Variants in AOC3 observed in about 807,000 individuals in gnomAD.
The protein encoded by AOC3 is amine oxidase [copper-containing] 3.
In AOC3, 47 loss-of-function variants were observed where a neutral mutation model predicts 55.4. The ratio of observed to expected loss-of-function variants is 0.85; its 90% CI spans 0.67 to 1.08. AOC3 has a LOEUF of 1.08. Ranked by LOEUF, AOC3 falls within the 50% of genes least tolerant of loss-of-function variation. The probability of loss-of-function intolerance (pLI) is 0.00; values close to 1 mark genes in which losing one functional copy is unlikely to be tolerated. For missense variants in AOC3, 853 were observed against 993.1 expected, an observed-to-expected ratio of 0.86 and a Z score of 1.90; for synonymous variants, 386 against 410.7, an observed-to-expected ratio of 0.94 and a Z score of 0.73.
In AOC3 at chr17:42,856,829, C is replaced by T. The variant is rs1486791896; in HGVS notation, c.*279C>T. 4.0e-6 allele frequency: 2 copies of T among 497,190 alleles called. No homozygotes were observed. Among genetic ancestry groups the T allele is most frequent in the Admixed American group, 3.6e-5 (1 of 27,866 alleles). The allele number at this position is 497,190 out of a possible 1,614,324, so 30.8% of individuals were successfully genotyped here. A position where few individuals can be genotyped will look rare whatever the true frequency, so the allele number is the denominator to read the frequency against. On this transcript the variant is annotated 3_prime_UTR_variant, in exon 4 of 4. Transcript: ENST00000308423. ...CCTGGAGCCGTGGCCGAGGGCTTCC[C>T]TAGATGGTTCCCTTTGTTGCTGTCT...
At chr17:42,855,293 C>A in intron 2 of AOC3, 151 bp from the exon 3 acceptor site, 1 of 1,058,316 alleles carries the variant, frequency 9.4e-7, no homozygotes, top group Admixed American at 2.3e-5. Context: ...ACTTGACCCC[C>A]CTTAGGGTGA....
At position 42,856,512 on chromosome 17, in the gene AOC3, C is replaced by T. The variant is rs1396633686; in HGVS notation, c.2254C>T (p.Leu752Phe). The change falls in exon 4 of 4, where the codon CTC becomes TTC. Residue 752 changes from leucine to phenylalanine, a missense_variant. By Grantham distance (22) the Leu-to-Phe change is conservative (BLOSUM62 0). Transcript: ENST00000308423. Reference sequence around the variant, plus strand: ...CCAGGCTGCTGCCTGTGCCCCCGACCTCCCTGCCTTCTCCCACGGGGGCTT... The same window carrying T: ...CCAGGCTGCTGCCTGTGCCCCCGACTTCCCTGCCTTCTCCCACGGGGGCTT... ...LPQAAACAPD[L>F]PAFSHGGFSH... 6.2e-7 allele frequency: 1 copy of T among 1,608,714 alleles called. No individual in the cohort carries two copies. Among genetic ancestry groups the T allele is most frequent in the African/African-American group, 1.3e-5 (1 of 74,766 alleles).
At chr17:42,853,600 T>A (rs1656513040) in intron 1 of AOC3, among the ~76,000 whole-genome samples, 1 of 152,112 alleles carries the variant, frequency 6.6e-6, no homozygotes, top group Non-Finnish European at 1.5e-5. Flanking sequence ...AGGTGTTTTT[T>A]TTTGGTTTTG....
intron 2 of AOC3, 92 bp downstream of exon 2, chr17:42,854,825 G>T (rs1207004295): frequency 4.2e-6 from 5 of 1,179,946 alleles, no homozygotes; most frequent in Non-Finnish European, 5.5e-6. Context: ...TGAGGGGAGA[G>T]CTCTCTCAGG....
Position 42,852,388 on chromosome 17 carries a change from A to T in AOC3, c.1045A>T (p.Ile349Phe), listed in dbSNP as rs2055683722. 2 of 1,614,050 alleles carry T rather than the reference A, an allele frequency of 1.2e-6. No homozygotes were observed. The highest frequency in any genetic ancestry group is 2.2e-5 in the East Asian group (1 of 44,870). Residue 349 changes from isoleucine to phenylalanine, a missense_variant, in exon 1 of 4, where the codon ATC (isoleucine) becomes TTC (phenylalanine). Coordinates refer to ENST00000308423, the MANE Select transcript of AOC3 (RefSeq NM_003734.4). The stretch of plus-strand genomic sequence containing the variant: ...CCTCGGAGCATTCAGTGGCCCAAGG[A>T]TCTTTGACGTTCGCTTCCAAGGAGA... Reference protein sequence around the residue: ...FGLGAFSGPRIFDVRFQGERL... With the variant: ...FGLGAFSGPRFFDVRFQGERL...
chr17:42,851,412 CCTG>C lies in AOC3; in HGVS notation c.73_75del (p.Leu25del). 1 of 1,613,946 alleles carries C rather than the reference CCTG, an allele frequency of 6.2e-7. No homozygotes were observed. The highest frequency in any genetic ancestry group is 1.7e-5 in the Admixed American group (1 of 60,008). The stretch of plus-strand genomic sequence containing the variant: ...TCACCATCTTTGCCTTGGTTTGTGT[CCTG>C]CTGGTGGGCAGGGGTGGAGATGGGG... On this transcript the variant is annotated inframe_deletion, in exon 1 of 4. Coordinates refer to ENST00000308423, the MANE Select transcript of AOC3 (RefSeq NM_003734.4).
chr17:42,851,686 A>G lies in AOC3; in HGVS notation c.343A>G (p.Arg115Gly). The G allele has an allele frequency of 6.2e-7, 1 of 1,612,502 alleles. No homozygotes were observed. Among genetic ancestry groups the G allele is most frequent in the Non-Finnish European group, 8.5e-7 (1 of 1,179,808 alleles). The change falls in exon 1 of 4, where the codon AGG becomes GGG. Residue 115 changes from arginine to glycine, a missense_variant. Transcript: ENST00000308423. ...PKAAALAHLD[R>G]GSPPPAREAL... is the part of the protein sequence containing the mutation. ...GGCTGCAGCCCTGGCTCACTTGGAC[A>G]GGGGGAGCCCCCCACCTGCCCGGGA...
In AOC3 at chr17:42,857,550, G is replaced by A. The variant is rs1406651727; in HGVS notation, c.*1000G>A. ...ACAACTCCAGCCACCCAGCCAGGAG[G>A]GGCTGTCCAATCACATTCAGGCATG... On this transcript the variant is annotated 3_prime_UTR_variant, in exon 4 of 4. Coordinates refer to ENST00000308423, the MANE Select transcript of AOC3 (RefSeq NM_003734.4). 1 of 152,342 alleles carries A rather than the reference G, an allele frequency of 6.6e-6. No homozygotes were observed. The highest frequency in any genetic ancestry group is 6.5e-5 in the Admixed American group (1 of 15,272). The allele number at this position is 152,342 out of a possible 1,614,324, so 9.4% of individuals were successfully genotyped here.
intron 1 of AOC3, chr17:42,854,226 T>C: frequency 2.5e-6 from 1 of 396,436 alleles, no homozygotes; most frequent in South Asian, 1.2e-4. Context: ...GTTGAAAGAA[T>C]GAATGAGTGA....
Position 42,852,400 on chromosome 17 carries a change from C to G in AOC3, c.1057C>G (p.Arg353Gly), listed in dbSNP as rs147693206. The change falls in exon 1 of 4, where the codon CGC (arginine) becomes GGC (glycine). Residue 353 changes from arginine (R) to glycine (G), a missense_variant. Transcript: ENST00000308423. The part of the protein sequence containing the change: ...AFSGPRIFDV[R>G]FQGERLVYEI... ...CAGTGGCCCAAGGATCTTTGACGTT[C>G]GCTTCCAAGGAGAAAGACTAGTTTA... The G allele has an allele frequency of 3.3e-4, 532 of 1,614,176 alleles. 4 individuals are homozygous for G. Among genetic ancestry groups the G allele is most frequent in the Non-Finnish European group, 1.5e-4 (176 of 1,180,044 alleles).
chr17:42,855,394 G>A (rs891088642), intron 2 of AOC3, 50 bp from the exon 3 acceptor site: 4 of 1,570,190 alleles, frequency 2.5e-6, no homozygotes, highest in Non-Finnish European at 3.5e-6. Context: ...TCATAATCAG[G>A]CAGCAGGATG....
rs1369890694 is a variant in AOC3, at chr17:42,854,597, C to G, written c.1750C>G (p.Pro584Ala). 6.2e-7 allele frequency: 1 copy of G among 1,607,196 alleles called. No individual in the cohort carries two copies. Among genetic ancestry groups the G allele is most frequent in the African/African-American group, 1.3e-5 (1 of 74,690 alleles). ...CGCCTTCCTCGTGGGAAGCGCCACC[C>G]CTCGCTACCTGTACCTGGCCAGCAA... ...QAAFLVGSAT[P>A]RYLYLASNHS... The change falls in exon 2 of 4, where the codon CCT (proline) becomes GCT (alanine). Residue 584 changes from proline (P) to alanine (A), a missense_variant. Pro to Ala is a conservative substitution (Grantham distance 27). Transcript: ENST00000308423.
Position 42,851,199 on chromosome 17 carries a change from A to T in AOC3, c.-145A>T. 1 of 824,606 alleles carries T rather than the reference A, an allele frequency of 1.2e-6. No individual in the cohort carries two copies. Among genetic ancestry groups the T allele is most frequent in the South Asian group, 1.9e-5 (1 of 52,106 alleles). 51.1% of individuals were successfully genotyped at this position (824,606 alleles called of 1,614,324 possible). ...GCCTTCCTGTGTCCTTCCCACCCTT[A>T]GTCCCAGGCATCTGACTACCGGGAA... is the stretch of plus-strand genomic sequence containing the variant. On this transcript the variant is annotated 5_prime_UTR_variant, in exon 1 of 4. Transcript: ENST00000308423.
Position 42,851,691 on chromosome 17 carries a change from G to A in AOC3, c.348G>A (p.Gly116=). The A allele has an allele frequency of 1.2e-6, 2 of 1,612,532 alleles. No individual in the cohort carries two copies. Among genetic ancestry groups the A allele is most frequent in the African/African-American group, 1.3e-5 (1 of 75,044 alleles). ...KAAALAHLDR[G]SPPPAREALA... is the part of the protein sequence containing the mutation. ...CAGCCCTGGCTCACTTGGACAGGGG[G>A]AGCCCCCCACCTGCCCGGGAGGCAC... is the stretch of plus-strand genomic sequence containing the variant. The change falls in exon 1 of 4, where the codon GGG becomes GGA. Residue 116 remains glycine (G), a synonymous_variant. Coordinates refer to ENST00000308423, the MANE Select transcript of AOC3 (RefSeq NM_003734.4).
At chr17:42,855,938 C>T (rs188964748) in intron 3 of AOC3, among the ~76,000 whole-genome samples, 225 of 152,316 alleles carry the variant, frequency 1.5e-3, no homozygotes, top group Admixed American at 2.9e-3. Flanking sequence ...TTCTGCTTCC[C>T]AAGCGCTGGT....
intron 3 of AOC3, 80 bp from the exon 4 acceptor site, chr17:42,856,195 G>A: frequency 6.5e-7 from 1 of 1,538,190 alleles, no homozygotes; most frequent in Non-Finnish European, 8.9e-7. Flanking sequence ...CATGATCCTT[G>A]GGCTGGTGAG....
rs550140234 is a variant in AOC3 at position 42,855,646 on chromosome 17, A to G, written c.2016+73A>G. 558 of 1,593,918 alleles carry G rather than the reference A, an allele frequency of 3.5e-4. 2 individuals are homozygous for G. Among genetic ancestry groups the G allele is most frequent in the South Asian group, 4.6e-4 (41 of 89,740 alleles). ...GGGAGGGTCCCTGAAAACCACCTGCACTTCTCAGGGGTGGTGCTGATTCCT... is the reference window on the plus strand; with the variant it reads ...GGGAGGGTCCCTGAAAACCACCTGCGCTTCTCAGGGGTGGTGCTGATTCCT... On this transcript the variant is annotated intron_variant, in intron 3 of 3. Coordinates refer to ENST00000308423, the MANE Select transcript of AOC3 (RefSeq NM_003734.4).
Position 42,855,478 on chromosome 17 carries a change from G to GAGC in AOC3, c.1922_1924dup (p.Glu641_Pro642insGln). ...GGCTGTGACCCAGCGGAAGGAGGAG[G>GAGC]AGCCCAGTAGCAGCAGCGTTTTCAA... On this transcript the variant is annotated inframe_insertion, in exon 3 of 4. Coordinates refer to ENST00000308423, the MANE Select transcript of AOC3 (RefSeq NM_003734.4). The GAGC allele has an allele frequency of 6.2e-7, 1 of 1,611,136 alleles. No individual in the cohort carries two copies. The highest frequency in any genetic ancestry group is 8.5e-7 in the Non-Finnish European group (1 of 1,178,908).
intron 1 of AOC3, 40 bp downstream of exon 1, chr17:42,852,983 G>A (rs1435451196): frequency 6.3e-7 from 1 of 1,581,828 alleles, no homozygotes. Context: ...TGGAAGAAGG[G>A]CTGAAAAGTT....
Sources: allele counts gnomAD v4.1 joint callset (sites outside exome capture counted in the v4.1 genomes callset), GRCh38; gene constraint gnomAD v4.1.1; transcripts MANE v1.5; gene names NCBI Gene and HGNC (gene_info 2026-07-23, HGNC 2026-07-21).